The following TMX2 variants were observed in gnomAD, a reference collection of about 807,000 sequenced individuals.
TMX2 encodes the protein thioredoxin-related transmembrane protein 2.
A neutral mutation model predicts 33.4 loss-of-function variants in TMX2; 20 were observed. The ratio of observed to expected loss-of-function variants is 0.60; its 90% confidence interval spans 0.42 to 0.87. TMX2 has a LOEUF of 0.87. Among genes scored for constraint, TMX2 ranks in the 40% least tolerant of loss-of-function variants. The pLI is 0.00. For synonymous variants in TMX2, 166 were observed against 140.7 expected (o/e 1.18, Z -1.27); for missense variants, 340 against 370.7 (o/e 0.92, Z 0.68).
rs145897469 is a variant in TMX2, at chr11:57,738,355, G to A, written c.366G>A (p.Val122=). The change falls in exon 4 of 8, where the codon GTG becomes GTA. Residue 122 remains valine, a splice_region_variant and synonymous_variant. Transcript: ENST00000278422. The stretch of plus-strand genomic sequence containing the variant: ...TCGACATCTTCTTTCTGTATTTAGT[G>A]TTCCTGATGACGTGCAAACCCCCCC... The part of the protein sequence containing the change: ...MGLLYITLCI[V]FLMTCKPPLY... 203 of 1,602,658 alleles carry A rather than the reference G, an allele frequency of 1.3e-4. No homozygotes were observed. The highest frequency in any genetic ancestry group is 1.3e-4 in the Non-Finnish European group (148 of 1,169,840).
intron 1 of TMX2, among the ~76,000 whole-genome samples, chr11:57,724,611 TAAAA>T (rs373663466): frequency 1.5e-5 from 2 of 133,542 alleles, no homozygotes; most frequent in African/African-American, 2.8e-5. Flanking sequence ...GTCTGGGGAT[TAAAA>T]AAAAAAAAAA....
chr11:57,728,995 C>G (rs1412374190), intron 1 of TMX2, among the ~76,000 whole-genome samples: 3 of 152,062 alleles, frequency 2.0e-5, no homozygotes, highest in Non-Finnish European at 4.4e-5. Context: ...TGGAGAGAGA[C>G]ACTTAAGAGG....
chr11:57,738,724 A>G lies in TMX2; in HGVS notation c.502A>G (p.Asn168Asp). 6.2e-7 allele frequency: 1 copy of G among 1,614,122 alleles called. No individual in the cohort carries two copies. The highest frequency in any genetic ancestry group is 8.5e-7 in the Non-Finnish European group (1 of 1,180,022). ...TGTGGAGTTCTTTGCCAATTGGTCT[A>G]ATGACTGCCAATCATTTGCCCCTAT... ...WIVEFFANWS[N>D]DCQSFAPIYA... Residue 168 changes from asparagine (N) to aspartate (D), a missense_variant, in exon 5 of 8, where the codon AAT becomes GAT. Coordinates refer to ENST00000278422, the MANE Select transcript of TMX2 (RefSeq NM_015959.4).
intron 1 of TMX2, among the ~76,000 whole-genome samples, chr11:57,716,481 G>A (rs1440131200): frequency 1.6e-5 from 1 of 61,878 alleles, no homozygotes; most frequent in African/African-American, 7.4e-5. Context: ...GCGGCTGGCC[G>A]GGCTGAGGGG....
chr11:57,740,319 G>A lies in TMX2; in HGVS notation c.*74G>A, dbSNP rs1406335210. 6.8e-7 allele frequency: 1 copy of A among 1,475,538 alleles called. No individual in the cohort carries two copies. Among genetic ancestry groups the A allele is most frequent in the Non-Finnish European group, 9.0e-7 (1 of 1,112,870 alleles). 91.4% of individuals were successfully genotyped at this position (1,475,538 alleles called of 1,614,324 possible). On this transcript the variant is annotated 3_prime_UTR_variant, in exon 8 of 8. Coordinates refer to ENST00000278422, the MANE Select transcript of TMX2 (RefSeq NM_015959.4). ...CCATAACCACAAGCCTGAGGCTGCAGCCTTTTATTTATGTTTTCCCTTTGG... is the reference window on the plus strand; with the variant it reads ...CCATAACCACAAGCCTGAGGCTGCAACCTTTTATTTATGTTTTCCCTTTGG...
In TMX2 at chr11:57,717,529, C is replaced by T. The variant is rs2926650; in HGVS notation, c.189+4722C>T. Among the ~76,000 whole-genome samples, 424 of 147,712 alleles carry T rather than the reference C, an allele frequency of 2.9e-3. 3 individuals are homozygous for T. The highest frequency in any genetic ancestry group is 0.01 in the African/African-American group (411 of 39,582). On this transcript the variant is annotated intron_variant, in intron 1 of 7. Transcript: ENST00000278422. ...CAGCCCGGCCAACACAGCGAAACCC[C>T]GTCTCCACCAAAAAAGTACGAAAAC...
Position 57,739,122 on chromosome 11 carries a change from G to A in TMX2, c.615-9G>A. 6.2e-7 allele frequency: 1 copy of A among 1,614,078 alleles called. No homozygotes were observed. The highest frequency in any genetic ancestry group is 8.5e-7 in the Non-Finnish European group (1 of 1,180,010). ...CAGGGACATTTAGAGAACTTTCTGG[G>A]CCCTGCAGGTACAAAGTGAGCACAT... On this transcript the variant is annotated splice_polypyrimidine_tract_variant and intron_variant, in intron 6 of 7. Coordinates refer to ENST00000278422, the MANE Select transcript of TMX2 (RefSeq NM_015959.4).
At chr11:57,718,968 A>T (rs1450242415) in intron 1 of TMX2, among the ~76,000 whole-genome samples, 1 of 146,452 alleles carries the variant, frequency 6.8e-6, no homozygotes, top group East Asian at 2.1e-4. Flanking sequence ...AAGGATTTTT[A>T]AAAAGAGCTT....
At chr11:57,726,619 T>G (rs1405121592) in intron 1 of TMX2, among the ~76,000 whole-genome samples, 1 of 152,224 alleles carries the variant, frequency 6.6e-6, no homozygotes, top group Non-Finnish European at 1.5e-5. Context: ...GAAAAAACAC[T>G]GTAGAATTAT....
intron 2 of TMX2, 105 bp downstream of exon 2, chr11:57,737,773 G>A (rs764820789): frequency 5.7e-6 from 9 of 1,580,374 alleles, no homozygotes; most frequent in East Asian, 2.2e-5. Context: ...TTTGTCCTAC[G>A]TTTAATTCCA....
chr11:57,727,408 T>TAC (rs1948077073), intron 1 of TMX2, among the ~76,000 whole-genome samples: 1 of 152,192 alleles, frequency 6.6e-6, no homozygotes. Context: ...GGTCTACACA[T>TAC]ACATTCTATG....
In TMX2 at chr11:57,739,245, A is replaced by T; in HGVS notation, c.729A>T (p.Ser243=). Reference sequence around the variant, plus strand: ...TTGACAAGAAAGGACGGGCTGTCTCATGGACCTTCTCTGAGGTACCTGAAA... The same window carrying T: ...TTGACAAGAAAGGACGGGCTGTCTCTTGGACCTTCTCTGAGGTACCTGAAA... ...PQIDKKGRAV[S]WTFSEENVIR... The change falls in exon 7 of 8, where the codon TCA becomes TCT. Residue 243 remains serine (S), a synonymous_variant. Coordinates refer to ENST00000278422, the MANE Select transcript of TMX2 (RefSeq NM_015959.4). The T allele has an allele frequency of 6.2e-7, 1 of 1,614,026 alleles. No homozygotes were observed. Among genetic ancestry groups the T allele is most frequent in the Non-Finnish European group, 8.5e-7 (1 of 1,179,928 alleles).
At chr11:57,720,114 C>A (rs1348626748) in intron 1 of TMX2, among the ~76,000 whole-genome samples, 1 of 138,632 alleles carries the variant, frequency 7.2e-6, no homozygotes, top group African/African-American at 2.6e-5. Context: ...CGTGGTGAAA[C>A]CCCATCTCTA....
Position 57,721,535 on chromosome 11 carries a change from C to G in TMX2, c.189+8728C>G, listed in dbSNP as rs559922861. Among the ~76,000 whole-genome samples the G allele has an allele frequency of 6.6e-5, 10 of 152,012 alleles. No homozygotes were observed. The East Asian group carries it at 1.7e-3, about 27-fold the overall frequency. On this transcript the variant is annotated intron_variant, in intron 1 of 7. Transcript: ENST00000278422. ...TTTTCCATGTTGGTCAGGCTGTTCT[C>G]AAGCTCCCAATCTCAGGTGATCCAC...
At chr11:57,730,980 A>C (rs1418364388) in intron 1 of TMX2, among the ~76,000 whole-genome samples, 2 of 79,916 alleles carry the variant, frequency 2.5e-5, no homozygotes, top group African/African-American at 9.1e-5. Context: ...AAATGCACTA[A>C]CACAAAACTT....
intron 1 of TMX2, among the ~76,000 whole-genome samples, chr11:57,724,386 G>T (rs959465538): frequency 4.6e-5 from 7 of 152,136 alleles, no homozygotes; most frequent in African/African-American, 1.7e-4. Flanking sequence ...TGTTGCACTA[G>T]CTTTATGATA....
At chr11:57,716,190 G>A (rs1158387376) in intron 1 of TMX2, among the ~76,000 whole-genome samples, 5 of 151,622 alleles carry the variant, frequency 3.3e-5, no homozygotes, top group Admixed American at 6.6e-5. Flanking sequence ...CTCCCGGACC[G>A]GGCGGCTGGC....
intron 1 of TMX2, among the ~76,000 whole-genome samples, chr11:57,720,956 TC>T (rs1315530294): frequency 6.6e-6 from 1 of 152,082 alleles, no homozygotes; most frequent in African/African-American, 2.4e-5. Context: ...CAAGGGAGTT[TC>T]TAAGGCTGTG....
chr11:57,739,400 A>G (rs1948946067), intron 7 of TMX2, 140 bp downstream of exon 7: 1 of 772,980 alleles, frequency 1.3e-6, no homozygotes, highest in Non-Finnish European at 2.1e-6. Flanking sequence ...CTCATGTTTT[A>G]ATTCATTTAG....
Sources: allele counts gnomAD v4.1 joint callset (sites outside exome capture counted in the v4.1 genomes callset), GRCh38; gene constraint gnomAD v4.1.1; transcripts MANE v1.5; gene names NCBI Gene and HGNC (gene_info 2026-07-23, HGNC 2026-07-21).